The following NALF1 variants were observed in gnomAD, a reference collection of about 807,000 sequenced individuals.
NALF1 encodes the protein NALCN channel auxiliary factor 1.
NALF1 carries 3 observed loss-of-function variants against 48.4 expected under a neutral mutation model. The observed-to-expected ratio is 0.06, with a 90% confidence interval of 0.03 to 0.16. The LOEUF is 0.16. NALF1 is among the 10% of genes least tolerant of loss of function. NALF1 has a pLI of 1.00. For missense variants in NALF1, 526 were observed against 571.5 expected, an observed-to-expected ratio of 0.92 and a Z score of 0.81; for synonymous variants, 262 against 245.7, an observed-to-expected ratio of 1.07 and a Z score of -0.62.
intron 1 of NALF1, among the ~76,000 whole-genome samples, chr13:107,474,667 G>A (rs1485398288): frequency 6.6e-6 from 1 of 152,156 alleles, no homozygotes; most frequent in Non-Finnish European, 1.5e-5. Flanking sequence ...GCAGGCTTGA[G>A]ATTTTTCATA....
chr13:107,586,861 G>C (rs1488426267), intron 1 of NALF1, among the ~76,000 whole-genome samples: 1 of 151,858 alleles, frequency 6.6e-6, no homozygotes, highest in East Asian at 1.9e-4. Flanking sequence ...AGATGTCATA[G>C]TAGAAGGAGA....
intron 1 of NALF1, among the ~76,000 whole-genome samples, chr13:107,385,925 C>A (rs968185241): frequency 6.6e-6 from 1 of 152,004 alleles, no homozygotes; most frequent in African/African-American, 2.4e-5. Context: ...AAAAATAATA[C>A]CTCTTGGAAG....
intron 1 of NALF1, among the ~76,000 whole-genome samples, chr13:107,824,661 G>T (rs964347021): frequency 6.6e-6 from 1 of 152,186 alleles, no homozygotes; most frequent in African/African-American, 2.4e-5. Flanking sequence ...GCTCCATTAT[G>T]CATGTGTAGA....
chr13:107,851,517 TAA>T (rs1880313193), intron 1 of NALF1, among the ~76,000 whole-genome samples: 1 of 152,126 alleles, frequency 6.6e-6, no homozygotes, highest in African/African-American at 2.4e-5. Flanking sequence ...TGTTCAGTCA[TAA>T]AGTTATCAAA....
intron 1 of NALF1, among the ~76,000 whole-genome samples, chr13:107,514,849 G>A (rs1159807778): frequency 6.6e-6 from 1 of 152,094 alleles, no homozygotes; most frequent in Non-Finnish European, 1.5e-5. Context: ...AGGATATTAT[G>A]GCAAAACAGC....
intron 1 of NALF1, among the ~76,000 whole-genome samples, chr13:107,246,035 C>A (rs1880576996): frequency 6.6e-6 from 1 of 152,216 alleles, no homozygotes. Flanking sequence ...GGTACCCAAG[C>A]GTCCTCCTCT....
chr13:107,579,767 C>T (rs1878252072), intron 1 of NALF1, among the ~76,000 whole-genome samples: 1 of 151,894 alleles, frequency 6.6e-6, no homozygotes, highest in South Asian at 2.1e-4. Context: ...TGGTGTGCTG[C>T]ACCCACTAAC....
At chr13:107,252,384 A>T (rs1451170486) in intron 1 of NALF1, among the ~76,000 whole-genome samples, 2 of 151,710 alleles carry the variant, frequency 1.3e-5, no homozygotes, top group Non-Finnish European at 2.9e-5. Flanking sequence ...AAGAGGAGAG[A>T]GAGGGAGAGA....
At chr13:107,510,891 G>C (rs567232006) in intron 1 of NALF1, among the ~76,000 whole-genome samples, 4 of 152,090 alleles carry the variant, frequency 2.6e-5, no homozygotes, top group Non-Finnish European at 5.9e-5. Flanking sequence ...AGTTTCACTC[G>C]AGTACCCTCT....
chr13:107,592,910 A>G (rs1000846348), intron 1 of NALF1, among the ~76,000 whole-genome samples: 1 of 151,832 alleles, frequency 6.6e-6, no homozygotes, highest in Non-Finnish European at 1.5e-5. Context: ...TTTTTCCTCA[A>G]TTCAAAAGTT....
chr13:107,771,044 C>T (rs1286932833), intron 1 of NALF1, among the ~76,000 whole-genome samples: 1 of 149,038 alleles, frequency 6.7e-6, no homozygotes, highest in African/African-American at 2.6e-5. Context: ...GGGCATAAAA[C>T]AATTTCATTT....
intron 1 of NALF1, among the ~76,000 whole-genome samples, chr13:107,569,943 T>C (rs890692806): frequency 6.6e-6 from 1 of 152,158 alleles, no homozygotes; most frequent in Non-Finnish European, 1.5e-5. Flanking sequence ...TTTATTTTCC[T>C]TTGAAAAACT....
intron 1 of NALF1, among the ~76,000 whole-genome samples, chr13:107,376,874 C>G (rs774185745): frequency 2.6e-4 from 39 of 152,198 alleles, no homozygotes; most frequent in Non-Finnish European, 3.2e-4. Flanking sequence ...AATTTGTGCA[C>G]TGACCTCAGC....
intron 1 of NALF1, among the ~76,000 whole-genome samples, chr13:107,403,213 T>TTTTTTTTTTTTTTTG (rs1883841735): frequency 7.7e-6 from 1 of 129,132 alleles, no homozygotes; most frequent in Non-Finnish European, 1.6e-5. Context: ...TTTTTTTTTT[T>TTTTTTTTTTTTTTTG]TTTTTATCAT....
chr13:107,730,449 A>G (rs1407989453), intron 1 of NALF1, among the ~76,000 whole-genome samples: 1 of 152,218 alleles, frequency 6.6e-6, no homozygotes, highest in African/African-American at 2.4e-5. Context: ...AGCACAATGT[A>G]AATTAAACTT....
At chr13:107,571,082 T>C (rs577524016) in intron 1 of NALF1, among the ~76,000 whole-genome samples, 1 of 152,286 alleles carries the variant, frequency 6.6e-6, no homozygotes, top group East Asian at 1.9e-4. Flanking sequence ...AGACAAGAAA[T>C]AATACTGTTG....
intron 1 of NALF1, among the ~76,000 whole-genome samples, chr13:107,492,398 A>C (rs1349921940): frequency 6.6e-6 from 1 of 152,076 alleles, no homozygotes; most frequent in Non-Finnish European, 1.5e-5. Flanking sequence ...TGGCTCCAGA[A>C]ATGGTACCAG....
At chr13:107,835,115 T>A (rs1162552499) in intron 1 of NALF1, among the ~76,000 whole-genome samples, 1 of 152,218 alleles carries the variant, frequency 6.6e-6, no homozygotes, top group African/African-American at 2.4e-5. Context: ...TTAGTTATAT[T>A]TTTCTTTTGA....
At chr13:107,802,035 GTT>G (rs1426465851) in intron 1 of NALF1, among the ~76,000 whole-genome samples, 3 of 152,128 alleles carry the variant, frequency 2.0e-5, no homozygotes, top group Admixed American at 1.3e-4. Context: ...TGTGAAACCT[GTT>G]CTATGCAAAC....
Sources: allele counts gnomAD v4.1 joint callset (sites outside exome capture counted in the v4.1 genomes callset), GRCh38; gene constraint gnomAD v4.1.1; transcripts MANE v1.5; gene names NCBI Gene and HGNC (gene_info 2026-07-23, HGNC 2026-07-21).